ASTN2: variants seen among roughly 807,000 people sequenced by gnomAD.
ASTN2 encodes astrotactin-2.
A neutral mutation model predicts 139.8 loss-of-function variants in ASTN2; 54 were observed. The ratio of observed to expected loss-of-function variants is 0.39; its 90% CI spans 0.31 to 0.48. The LOEUF is 0.48. Among genes scored for constraint, ASTN2 ranks in the 20% least tolerant of loss-of-function variants. ASTN2 has a pLI of 0.95. For synonymous variants in ASTN2, 756 were observed against 719.5 expected, an observed-to-expected ratio of 1.05 and a Z score of -0.81; for missense variants, 1,565 against 1,725.1, an observed-to-expected ratio of 0.91 and a Z score of 1.64.
chr9:116,588,678 A>G (rs149051837), intron 19 of ASTN2, among the ~76,000 whole-genome samples: 1 of 152,304 alleles, frequency 6.6e-6, no homozygotes, highest in East Asian at 1.9e-4. Context: ...CGCTCAAGAA[A>G]TGGTAGTTTT....
rs191738882 is a variant in ASTN2, at chr9:117,286,148, G to C, written c.630+5178C>G. 2.8e-3 allele frequency among the ~76,000 whole-genome samples: 424 copies of C among 152,142 alleles called. 1 individual carries two copies. The highest frequency in any genetic ancestry group is 9.8e-3 in the African/African-American group (407 of 41,512). Reference sequence around the variant, plus strand: ...ATGACCAACCCTCTGAACCACAAGTGATAACTATTTTTGTTGAAAGCAACT... The same window carrying C: ...ATGACCAACCCTCTGAACCACAAGTCATAACTATTTTTGTTGAAAGCAACT... On this transcript the variant is annotated intron_variant, in intron 2 of 22. Transcript: ENST00000313400.
At chr9:116,543,274 CA>C (rs35600712) in intron 19 of ASTN2, among the ~76,000 whole-genome samples, 1,604 of 145,188 alleles carry the variant, frequency 0.011, 44 homozygotes, top group African/African-American at 0.038. Context: ...ATGAAAACTA[CA>C]AAAAAAAAAA....
intron 11 of ASTN2, among the ~76,000 whole-genome samples, chr9:116,856,639 CAT>C (rs1265012833): frequency 6.6e-6 from 1 of 152,210 alleles, no homozygotes; most frequent in African/African-American, 2.4e-5. Context: ...AATGGAAATC[CAT>C]ATGTTTATTC....
chr9:116,908,007 T>G (rs1447562643), intron 10 of ASTN2, among the ~76,000 whole-genome samples: 1 of 152,158 alleles, frequency 6.6e-6, no homozygotes, highest in Non-Finnish European at 1.5e-5. Context: ...TAAATGCGGA[T>G]AGCCTCACCC....
chr9:116,877,147 G>A (rs543804407), intron 10 of ASTN2, among the ~76,000 whole-genome samples: 1 of 152,280 alleles, frequency 6.6e-6, no homozygotes, highest in East Asian at 1.9e-4. Flanking sequence ...AGATTGTGCG[G>A]TCTAACCCCA....
chr9:116,483,262 C>T (rs777767109), intron 20 of ASTN2, among the ~76,000 whole-genome samples: 4 of 152,228 alleles, frequency 2.6e-5, no homozygotes, highest in Non-Finnish European at 5.9e-5. Context: ...ATGAAATAAA[C>T]AAGGAAATTC....
intron 3 of ASTN2, among the ~76,000 whole-genome samples, chr9:117,202,441 T>C (rs1230174375): frequency 1.3e-5 from 2 of 152,176 alleles, no homozygotes; most frequent in South Asian, 2.1e-4. Flanking sequence ...TTGTCATCGG[T>C]CTTCATATTT....
intron 20 of ASTN2, among the ~76,000 whole-genome samples, chr9:116,479,350 T>A (rs1849093538): frequency 6.6e-6 from 1 of 152,148 alleles, no homozygotes; most frequent in Non-Finnish European, 1.5e-5. Flanking sequence ...ATCTAATATA[T>A]AATTATAGTA....
intron 6 of ASTN2, among the ~76,000 whole-genome samples, chr9:117,036,226 C>A (rs185111211): frequency 6.6e-6 from 1 of 152,176 alleles, no homozygotes; most frequent in Admixed American, 6.5e-5. Context: ...ACATTCCTAC[C>A]AAGATATTAT....
intron 1 of ASTN2, among the ~76,000 whole-genome samples, chr9:117,387,677 C>G (rs917386348): frequency 4.6e-5 from 7 of 152,146 alleles, no homozygotes; most frequent in African/African-American, 1.7e-4. Flanking sequence ...AAAAACAGAG[C>G]TTGAACCAGA....
chr9:117,317,282 T>C lies in ASTN2; in HGVS notation c.443-25769A>G, dbSNP rs146870358. Among the ~76,000 whole-genome samples the C allele has an allele frequency of 5.4e-3, 821 of 152,288 alleles. 7 individuals are homozygous for C. The highest frequency in any genetic ancestry group is 0.019 in the African/African-American group (782 of 41,562). ...GCCTCAGGAAGCCTCCCAATGCCTC[T>C]GCCTCCTTCCGTGTTTCTCATCAGC... On this transcript the variant is annotated intron_variant, in intron 1 of 22. Transcript: ENST00000313400.
At chr9:117,368,081 G>A (rs1433904789) in intron 1 of ASTN2, among the ~76,000 whole-genome samples, 1 of 152,062 alleles carries the variant, frequency 6.6e-6, no homozygotes, top group African/African-American at 2.4e-5. Context: ...ATGATGTTCT[G>A]GAAGCTAACG....
intron 13 of ASTN2, among the ~76,000 whole-genome samples, chr9:116,761,164 C>G (rs1379662895): frequency 6.6e-6 from 1 of 152,224 alleles, no homozygotes; most frequent in Non-Finnish European, 1.5e-5. Flanking sequence ...GCACCTGCAT[C>G]GATCCCTCTG....
At chr9:117,105,174 G>A (rs901691613) in intron 4 of ASTN2, among the ~76,000 whole-genome samples, 6 of 152,116 alleles carry the variant, frequency 3.9e-5, no homozygotes, top group African/African-American at 1.4e-4. Context: ...ATCTAGGCTG[G>A]CCTTAGGAAC....
chr9:116,991,246 C>A (rs1206798437), intron 7 of ASTN2, among the ~76,000 whole-genome samples: 1 of 152,198 alleles, frequency 6.6e-6, no homozygotes, highest in Admixed American at 6.5e-5. Context: ...ATGCTGCCTT[C>A]AGTCTAGCAA....
intron 11 of ASTN2, among the ~76,000 whole-genome samples, chr9:116,862,148 G>A (rs1429087615): frequency 6.6e-6 from 1 of 151,954 alleles, no homozygotes; most frequent in East Asian, 1.9e-4. Flanking sequence ...TCTTCGTATT[G>A]ATCTCCTGAC....
At chr9:117,178,982 C>A (rs1830987550) in intron 3 of ASTN2, among the ~76,000 whole-genome samples, 1 of 152,286 alleles carries the variant, frequency 6.6e-6, no homozygotes, top group East Asian at 1.9e-4. Flanking sequence ...TTCCTTTATT[C>A]TTTTGTAAAC....
intron 16 of ASTN2, among the ~76,000 whole-genome samples, chr9:116,685,253 C>T (rs1369630134): frequency 6.6e-6 from 1 of 152,138 alleles, no homozygotes; most frequent in Non-Finnish European, 1.5e-5. Context: ...GAGACAGCTT[C>T]GACTCCCTAT....
chr9:117,102,883 C>CTT (rs75242798), intron 4 of ASTN2, among the ~76,000 whole-genome samples: 15 of 147,890 alleles, frequency 1.0e-4, no homozygotes, highest in East Asian at 5.9e-4. Context: ...AAGAAACCAA[C>CTT]TTTTTTTTTT....
Sources: gnomAD v4.1 joint callset for allele counts (sites outside exome capture counted in the v4.1 genomes callset) on GRCh38, gnomAD v4.1.1 for gene constraint, MANE v1.5 for transcripts, NCBI Gene and HGNC (gene_info 2026-07-23, HGNC 2026-07-21) for gene names.